Variants in PHLDB1 observed in about 807,000 individuals in gnomAD.
The protein encoded by PHLDB1 is pleckstrin homology-like domain family B member 1.
PHLDB1 carries 65 observed loss-of-function variants against 139.3 expected under a neutral mutation model. The observed-to-expected ratio is 0.47, with a 90% CI of 0.38 to 0.57. The LOEUF (loss-of-function observed/expected upper bound fraction) is 0.57. PHLDB1 is among the 20% of genes least tolerant of loss of function. The probability of loss-of-function intolerance (pLI) is 0.00; values close to 1 mark genes in which losing one functional copy is unlikely to be tolerated. For synonymous variants in PHLDB1, 679 were observed against 734.5 expected (o/e 0.92, Z 1.22); for missense variants, 1,624 against 1,839.7 (o/e 0.88, Z 2.14).
intron 5 of PHLDB1, 73 bp from the exon 6 acceptor site, chr11:118,627,232 G>T: frequency 6.9e-7 from 1 of 1,444,776 alleles, no homozygotes; most frequent in South Asian, 1.2e-5. Context: ...GTGCTAGGAG[G>T]AGGGGGGCTA....
intron 10 of PHLDB1, among the ~76,000 whole-genome samples, chr11:118,636,176 G>T (rs555467055): frequency 6.6e-6 from 1 of 152,320 alleles, no homozygotes; most frequent in East Asian, 1.9e-4. Flanking sequence ...GTTAGTAAGG[G>T]TTGGGAAGAG....
intron 22 of PHLDB1, among the ~76,000 whole-genome samples, chr11:118,656,131 C>T (rs1295577770): frequency 2.0e-5 from 3 of 148,250 alleles, no homozygotes; most frequent in Non-Finnish European, 3.0e-5. Context: ...AAGGGATGGC[C>T]GGAAGGGGTG....
chr11:118,649,979 G>A, intron 18 of PHLDB1, 98 bp from the exon 19 acceptor site: 1 of 866,110 alleles, frequency 1.2e-6, no homozygotes, highest in Admixed American at 1.7e-5. Flanking sequence ...GAGGTGTGAT[G>A]TCAGGCTGTT....
At position 118,616,043 on chromosome 11, in the gene PHLDB1, A is replaced by C. The variant is rs781979199; in HGVS notation, c.187A>C (p.Arg63=). The part of the protein sequence containing the change: ...AITLLPLEEG[R]TVIGSAARDI... ...TTCAGTTTGCCTCTTGTCTCCAGGG[A>C]GGACGGTGATTGGCTCTGCAGCCAG... The change falls in exon 4 of 23, where the codon AGG becomes CGG. Residue 63 remains arginine, a splice_region_variant and synonymous_variant. Transcript: ENST00000600882. The C allele has an allele frequency of 6.2e-7, 1 of 1,612,024 alleles. No homozygotes were observed. Among genetic ancestry groups the C allele is most frequent in the Non-Finnish European group, 8.5e-7 (1 of 1,178,864 alleles).
chr11:118,642,737 A>T (rs1946786736), intron 13 of PHLDB1, among the ~76,000 whole-genome samples: 1 of 152,168 alleles, frequency 6.6e-6, no homozygotes, highest in Admixed American at 6.5e-5. Context: ...GGAGCTTCTC[A>T]CCCAGTCTGG....
At chr11:118,643,421 A>G (rs1047707761) in intron 13 of PHLDB1, 1 of 666,660 alleles carries the variant, frequency 1.5e-6, no homozygotes, top group Non-Finnish European at 1.9e-6. Context: ...GCCAAGGCCC[A>G]GAGTAGGGAG....
Position 118,657,309 on chromosome 11 carries a change from T to A in PHLDB1, c.*486T>A, listed in dbSNP as rs570254504. On this transcript the variant is annotated 3_prime_UTR_variant, in exon 23 of 23. Coordinates refer to ENST00000600882, the MANE Select transcript of PHLDB1 (RefSeq NM_001144758.3). ...TTACCTTGCTCAAGGGCCAGAGATC[T>A]CAAGTGTCAACCTTGAGGTCCCAGC... 9 of 155,140 alleles carry A rather than the reference T, an allele frequency of 5.8e-5. No individual in the cohort carries two copies. Among genetic ancestry groups the A allele is most frequent in the African/African-American group, 1.4e-4 (6 of 41,564 alleles). 9.6% of individuals were successfully genotyped at this position (155,140 alleles called of 1,614,324 possible).
At position 118,613,905 on chromosome 11, in the gene PHLDB1, G is replaced by C; in HGVS notation, c.60+9G>C. 1 of 1,575,070 alleles carries C rather than the reference G, an allele frequency of 6.3e-7. No individual in the cohort carries two copies. Among genetic ancestry groups the C allele is most frequent in the South Asian group, 1.1e-5 (1 of 89,722 alleles). On this transcript the variant is annotated intron_variant, in intron 2 of 22. Coordinates refer to ENST00000600882, the MANE Select transcript of PHLDB1 (RefSeq NM_001144758.3). ...CCCAGACCATGGTGCAGGTGAGTGG[G>C]ATCAGGGCTGTGAGGCAAGAGAGAT... is the stretch of plus-strand genomic sequence containing the variant.
At chr11:118,639,322 A>G (rs1946147944) in intron 12 of PHLDB1, 71 bp downstream of exon 12, 1 of 1,082,798 alleles carries the variant, frequency 9.2e-7, no homozygotes, top group Non-Finnish European at 1.4e-6. Context: ...AACACATGGC[A>G]CTTTCACCCC....
Position 118,608,440 on chromosome 11 carries a change from G to A in PHLDB1, c.-22+741G>A, listed in dbSNP as rs1340925462. On this transcript the variant is annotated intron_variant, in intron 1 of 22. Coordinates refer to ENST00000600882, the MANE Select transcript of PHLDB1 (RefSeq NM_001144758.3). This position sits in a 1 kb window ranked among gnomAD's most constrained non-coding sequence, Gnocchi z 6.7. ...CCCCGGGATAGGGAAGTGCGGGCGG[G>A]CGGCTGGGTAGGGGCGCCGGCGCAG... Among the ~76,000 whole-genome samples, 1 of 152,182 alleles carries A rather than the reference G, an allele frequency of 6.6e-6. No homozygotes were observed. The highest frequency in any genetic ancestry group is 1.5e-5 in the Non-Finnish European group (1 of 68,014).
At chr11:118,613,745 G>C (rs531068187) in intron 1 of PHLDB1, 71 bp from the exon 2 acceptor site, 1 of 910,560 alleles carries the variant, frequency 1.1e-6, no homozygotes, top group Admixed American at 2.0e-5. Flanking sequence ...TGAGAACCCT[G>C]CCACAGAACC....
At chr11:118,635,068 C>T (rs1945411716) in intron 9 of PHLDB1, 1 of 507,282 alleles carries the variant, frequency 2.0e-6, no homozygotes, top group Non-Finnish European at 3.8e-6. Context: ...TCCACCGCCC[C>T]CCCTCCCCCG....
Position 118,631,331 on chromosome 11 carries a change from G to A in PHLDB1, c.1952G>A (p.Arg651Gln), listed in dbSNP as rs782096640. 10 of 1,540,316 alleles carry A rather than the reference G, an allele frequency of 6.5e-6. No homozygotes were observed. The highest frequency in any genetic ancestry group is 5.0e-5 in the East Asian group (2 of 40,266). ...EATAALALAG[R>Q]RPSRGLAGAS... ...ACCGCAGCATTGGCACTGGCAGGCC[G>A]GAGGCCCTCACGAGGCCTTGCAGGG... The change falls in exon 7 of 23, where the codon CGG becomes CAG. Residue 651 changes from arginine to glutamine, a missense_variant. Coordinates refer to ENST00000600882, the MANE Select transcript of PHLDB1 (RefSeq NM_001144758.3).
At chr11:118,613,331 G>T in intron 1 of PHLDB1, 1 of 986,172 alleles carries the variant, frequency 1.0e-6, no homozygotes, top group Non-Finnish European at 1.2e-6. Context: ...AGAGACAAAT[G>T]GTGAAGAGGA....
At chr11:118,623,841 T>C (rs1253238333) in intron 4 of PHLDB1, among the ~76,000 whole-genome samples, 8 of 150,724 alleles carry the variant, frequency 5.3e-5, no homozygotes, top group Non-Finnish European at 1.2e-4. Flanking sequence ...AGGCTGGGGT[T>C]GGGGGACAGG....
At chr11:118,655,757 G>A in intron 21 of PHLDB1, 67 bp downstream of exon 21, 1 of 1,492,760 alleles carries the variant, frequency 6.7e-7, no homozygotes, top group Non-Finnish European at 9.3e-7. Context: ...GCCTGGTGGG[G>A]CTCTGGGAGC....
chr11:118,629,988 G>A (rs1944509119), intron 6 of PHLDB1: 1 of 1,284,684 alleles, frequency 7.8e-7, no homozygotes, highest in Non-Finnish European at 1.0e-6. Flanking sequence ...CAGGGGTGGA[G>A]GCACTGGCCC....
chr11:118,628,799 T>C, intron 6 of PHLDB1, 149 bp downstream of exon 6: 1 of 648,694 alleles, frequency 1.5e-6, no homozygotes, highest in Middle Eastern at 4.1e-4. Flanking sequence ...TAGTGATCAA[T>C]ATCTTATGGT....
chr11:118,644,792 G>C (rs1481787953), intron 15 of PHLDB1: 3 of 733,198 alleles, frequency 4.1e-6, no homozygotes, highest in Non-Finnish European at 6.0e-6. Flanking sequence ...TGCAGGCAGG[G>C]TCCCAGGCTG....
Sources: allele counts gnomAD v4.1 joint callset (sites outside exome capture counted in the v4.1 genomes callset), GRCh38; gene constraint gnomAD v4.1.1; non-coding constraint Gnocchi (gnomAD v3.1); transcripts MANE v1.5; gene names NCBI Gene and HGNC (gene_info 2026-07-23, HGNC 2026-07-21).